The following MEIS2 variants were observed in gnomAD, a reference collection of about 807,000 sequenced individuals.
MEIS2 encodes the protein Meis homeobox 2.
Under a neutral mutation model 58.6 loss-of-function variants are expected in MEIS2, and 9 were observed. That is an observed-to-expected ratio of 0.15 (90% confidence interval 0.09 to 0.27). The LOEUF is 0.27. MEIS2 is among the 10% of genes least tolerant of loss of function. The pLI is 1.00. For missense variants in MEIS2, 427 were observed against 635.0 expected, an observed-to-expected ratio of 0.67 and a Z score of 3.52; for synonymous variants, 221 against 228.4, an observed-to-expected ratio of 0.97 and a Z score of 0.29.
At chr15:37,044,984 T>C (rs1187699525) in intron 7 of MEIS2, among the ~76,000 whole-genome samples, 1 of 152,120 alleles carries the variant, frequency 6.6e-6, no homozygotes, top group African/African-American at 2.4e-5. Context: ...AGGAAAGAGA[T>C]TCCCTGGCTT....
In MEIS2 at chr15:37,094,686, G is replaced by A. The variant is rs555202686; in HGVS notation, c.439-109C>T. The A allele has an allele frequency of 6.2e-6, 5 of 800,508 alleles. No homozygotes were observed. The Admixed American group carries it at 8.2e-5, about 13-fold the overall frequency. 49.6% of individuals were successfully genotyped at this position (800,508 alleles called of 1,614,324 possible). A position where few individuals can be genotyped will look rare whatever the true frequency, so the allele number is the denominator to read the frequency against. ...GGTGAGAAAGTTGGGCTGGGGAGAA[G>A]AAACGGGCAGGTGGCCAGGAAAAAC... On this transcript the variant is annotated intron_variant, in intron 4 of 11. Coordinates refer to ENST00000561208, the MANE Select transcript of MEIS2 (RefSeq NM_170675.5).
At chr15:37,039,594 C>T (rs985518258) in intron 7 of MEIS2, among the ~76,000 whole-genome samples, 7 of 152,210 alleles carry the variant, frequency 4.6e-5, no homozygotes, top group South Asian at 2.1e-4. Context: ...GTAACACCTT[C>T]GAACTTTATG....
rs1274658113 is a variant in MEIS2 at position 37,098,383 on chromosome 15, A to AGAGG, written c.13-185_13-184insCCTC. 450 of 499,482 alleles carry AGAGG rather than the reference A, an allele frequency of 9.0e-4. 9 individuals are homozygous for AGAGG. The African/African-American group carries it at 0.017, about 19-fold the overall frequency. 30.9% of individuals were successfully genotyped at this position (499,482 alleles called of 1,614,324 possible). A position where few individuals can be genotyped will look rare whatever the true frequency, so the allele number is the denominator to read the frequency against. ...AGGAGGAAAAGGAGGAGAGGGGGAG[A>AGAGG]GAGAGAGAGAGAGAGAGAGAGAGAG... On this transcript the variant is annotated intron_variant, in intron 1 of 11. Transcript: ENST00000561208.
Position 37,020,718 on chromosome 15 carries a change from CT to C in MEIS2, c.900+16095del, listed in dbSNP as rs2061497120. 4.0e-5 allele frequency among the ~76,000 whole-genome samples: 6 copies of C among 149,338 alleles called. No homozygotes were observed. In the South Asian group the frequency reaches 1.3e-3, roughly 32 times the overall value. ...CTCACCACAACCTAAATTAACTTGC[CT>C]CGTTGCCCTCATCCTCACTGGCTGT... On this transcript the variant is annotated intron_variant, in intron 8 of 11. Transcript: ENST00000561208.
chr15:36,997,728 G>A (rs1406360745), intron 8 of MEIS2, among the ~76,000 whole-genome samples: 9 of 152,068 alleles, frequency 5.9e-5, no homozygotes, highest in African/African-American at 1.7e-4. Flanking sequence ...TGATCTGTCC[G>A]CTTTGGCCTC....
At chr15:37,006,189 T>A (rs2060915760) in intron 8 of MEIS2, among the ~76,000 whole-genome samples, 1 of 152,234 alleles carries the variant, frequency 6.6e-6, no homozygotes, top group African/African-American at 2.4e-5. Context: ...ATTTTTTGAA[T>A]GCTGACTTTT....
At chr15:36,947,373 T>G (rs2141379533) in intron 9 of MEIS2, among the ~76,000 whole-genome samples, 1 of 152,102 alleles carries the variant, frequency 6.6e-6, no homozygotes, top group Non-Finnish European at 1.5e-5. Context: ...TCTCCTAAAC[T>G]TCCTTTTTGC....
At chr15:37,034,716 C>T (rs2062076651) in intron 8 of MEIS2, among the ~76,000 whole-genome samples, 1 of 152,164 alleles carries the variant, frequency 6.6e-6, no homozygotes, top group African/African-American at 2.4e-5. Context: ...GCTTTCAAAA[C>T]AAGAAAAGAA....
intron 9 of MEIS2, among the ~76,000 whole-genome samples, chr15:36,935,721 G>A (rs1318689476): frequency 6.6e-6 from 1 of 151,800 alleles, no homozygotes; most frequent in Non-Finnish European, 1.5e-5. Flanking sequence ...CTGGATCTGG[G>A]GCCTTGATCT....
intron 9 of MEIS2, among the ~76,000 whole-genome samples, chr15:36,936,144 T>G (rs1370805005): frequency 6.6e-6 from 1 of 151,712 alleles, no homozygotes; most frequent in Non-Finnish European, 1.5e-5. Context: ...GGATCTTGGA[T>G]GGCAAATCGA....
chr15:37,016,868 G>A (rs574402509), intron 8 of MEIS2, among the ~76,000 whole-genome samples: 1 of 152,258 alleles, frequency 6.6e-6, no homozygotes, highest in South Asian at 2.1e-4. Flanking sequence ...AAATTTTATC[G>A]TGAAGGCACA....
chr15:37,068,847 T>C (rs1890310866), intron 7 of MEIS2, among the ~76,000 whole-genome samples: 1 of 152,178 alleles, frequency 6.6e-6, no homozygotes, highest in Non-Finnish European at 1.5e-5. Flanking sequence ...AAGACGTCCA[T>C]GAACTTCATT....
chr15:37,011,534 G>A (rs1361328825), intron 8 of MEIS2, among the ~76,000 whole-genome samples: 1 of 150,258 alleles, frequency 6.7e-6, no homozygotes. Context: ...TGCGTTGTCA[G>A]TAGCTGCATT....
At chr15:36,912,453 A>C (rs2057076002) in intron 9 of MEIS2, among the ~76,000 whole-genome samples, 1 of 152,214 alleles carries the variant, frequency 6.6e-6, no homozygotes, top group African/African-American at 2.4e-5. Flanking sequence ...TATCTTCTCA[A>C]TTATTTATAC....
intron 8 of MEIS2, among the ~76,000 whole-genome samples, chr15:37,008,436 C>T: frequency 6.6e-6 from 1 of 152,140 alleles, no homozygotes; most frequent in Non-Finnish European, 1.5e-5. Context: ...AGATAAAACA[C>T]AAAATGAAGT....
intron 8 of MEIS2, among the ~76,000 whole-genome samples, chr15:37,015,780 A>C (rs1162540739): frequency 6.6e-6 from 1 of 152,184 alleles, no homozygotes; most frequent in Non-Finnish European, 1.5e-5. Flanking sequence ...CAGTGCAAAC[A>C]AAAGGAGGGA....
At chr15:36,996,016 C>CATATAT (rs1385595314) in intron 8 of MEIS2, among the ~76,000 whole-genome samples, 2,367 of 84,486 alleles carry the variant, frequency 0.028, 69 homozygotes, top group Admixed American at 0.11. Context: ...TATATATATA[C>CATATAT]ATATGTGTAT....
At chr15:36,964,527 A>G (rs1174091258) in intron 8 of MEIS2, among the ~76,000 whole-genome samples, 1 of 152,192 alleles carries the variant, frequency 6.6e-6, no homozygotes, top group Non-Finnish European at 1.5e-5. Flanking sequence ...TTAAAAGCAT[A>G]TTCTCTATCA....
intron 7 of MEIS2, among the ~76,000 whole-genome samples, chr15:37,075,338 TTTA>T (rs765607869): frequency 9.7e-4 from 147 of 152,040 alleles, no homozygotes; most frequent in Non-Finnish European, 9.9e-4. Flanking sequence ...AAACCTAAAA[TTTA>T]AGAACCTACC....
Sources: gnomAD v4.1 joint callset for allele counts (sites outside exome capture counted in the v4.1 genomes callset) on GRCh38, gnomAD v4.1.1 for gene constraint, MANE v1.5 for transcripts, NCBI Gene and HGNC (gene_info 2026-07-23, HGNC 2026-07-21) for gene names.